Variants in CFAP97 observed in about 807,000 individuals in gnomAD.
The protein encoded by CFAP97 is cilia and flagella associated protein 97.
In CFAP97, 36 loss-of-function variants were observed where a neutral mutation model predicts 43.1. That is an observed-to-expected ratio of 0.84 (90% confidence interval 0.64 to 1.10). The LOEUF is 1.10. Among genes scored for constraint, CFAP97 ranks in the 50% least tolerant of loss-of-function variants. The pLI, the probability that CFAP97 is intolerant of heterozygous loss-of-function variation, is 0.00. For synonymous variants in CFAP97, 228 were observed against 225.7 expected, an observed-to-expected ratio of 1.01 and a Z score of -0.09; for missense variants, 657 against 620.3, an observed-to-expected ratio of 1.06 and a Z score of -0.63.
chr4:185,204,780 G>A (rs960398562), upstream of CFAP97, among the ~76,000 whole-genome samples: 1 of 152,242 alleles, frequency 6.6e-6, no homozygotes, highest in Non-Finnish European at 1.5e-5. Flanking sequence ...AGAGGTTGGA[G>A]TGATGTCAGA....
chr4:185,180,376 C>G (rs1247712464), intron 2 of CFAP97, among the ~76,000 whole-genome samples: 1 of 152,136 alleles, frequency 6.6e-6, no homozygotes, highest in Non-Finnish European at 1.5e-5. Flanking sequence ...TTCCAAAACT[C>G]CTTCCATTGT....
chr4:185,199,960 G>T (rs903469117), intron 1 of CFAP97, among the ~76,000 whole-genome samples: 3 of 152,232 alleles, frequency 2.0e-5, no homozygotes, highest in Non-Finnish European at 4.4e-5. Flanking sequence ...GGTTCAAGGA[G>T]TAAGTCAAAT....
intron 3 of CFAP97, among the ~76,000 whole-genome samples, chr4:185,166,127 T>C (rs1414233538): frequency 6.6e-6 from 1 of 152,202 alleles, no homozygotes; most frequent in Non-Finnish European, 1.5e-5. Context: ...CTACTCAAAT[T>C]ACCCAACTAG....
chr4:185,203,003 G>C (rs1288732391), intron 1 of CFAP97, among the ~76,000 whole-genome samples: 2 of 152,226 alleles, frequency 1.3e-5, no homozygotes, highest in African/African-American at 4.8e-5. Context: ...TTAAAGGATA[G>C]TTCATCAGAC....
At chr4:185,184,984 A>T (rs532169400) in intron 2 of CFAP97, among the ~76,000 whole-genome samples, 1 of 152,364 alleles carries the variant, frequency 6.6e-6, no homozygotes, top group South Asian at 2.1e-4. Context: ...TGTCCCCTTA[A>T]AAATAAAAAT....
chr4:185,177,362 G>A (rs931781289), intron 2 of CFAP97, among the ~76,000 whole-genome samples: 8 of 150,970 alleles, frequency 5.3e-5, no homozygotes, highest in African/African-American at 1.7e-4. Context: ...GCAGTGAGCC[G>A]AGATTGCGCC....
intron 1 of CFAP97, among the ~76,000 whole-genome samples, chr4:185,198,453 A>AAAAGAAAG (rs1307224179): frequency 6.8e-6 from 1 of 147,380 alleles, no homozygotes; most frequent in African/African-American, 2.5e-5. Context: ...AAAAAAAAAA[A>AAAAGAAAG]AAAGAAAGAA....
chr4:185,199,250 T>C (rs1434826818), intron 1 of CFAP97, among the ~76,000 whole-genome samples: 2 of 152,076 alleles, frequency 1.3e-5, no homozygotes, highest in Non-Finnish European at 2.9e-5. Flanking sequence ...CATGTACCTG[T>C]TAATTCCAGC....
intron 4 of CFAP97, among the ~76,000 whole-genome samples, chr4:185,163,218 C>T (rs1287655370): frequency 6.6e-6 from 1 of 152,034 alleles, no homozygotes; most frequent in Non-Finnish European, 1.5e-5. Context: ...ATCTAATCAA[C>T]AAATAACTTA....
At chr4:185,196,387 T>C (rs1408566241) in intron 1 of CFAP97, among the ~76,000 whole-genome samples, 1 of 151,114 alleles carries the variant, frequency 6.6e-6, no homozygotes, top group Non-Finnish European at 1.5e-5. Flanking sequence ...GGCAGGAGAA[T>C]CACTTGAACC....
intron 1 of CFAP97, among the ~76,000 whole-genome samples, chr4:185,197,251 A>C (rs1200933820): frequency 6.6e-6 from 1 of 152,078 alleles, no homozygotes; most frequent in Non-Finnish European, 1.5e-5. Context: ...GATCTTAAAC[A>C]TAACAAAAGA....
chr4:185,208,845 A>G (rs1334181890), upstream of CFAP97, among the ~76,000 whole-genome samples: 1 of 152,266 alleles, frequency 6.6e-6, no homozygotes, highest in Non-Finnish European at 1.5e-5. Flanking sequence ...GTGTTTAAGT[A>G]GCATATTGGC....
chr4:185,193,518 C>T lies in CFAP97; in HGVS notation c.-16-2306G>A, dbSNP rs535141788. 4.6e-3 allele frequency among the ~76,000 whole-genome samples: 698 copies of T among 152,090 alleles called. 6 individuals are homozygous for T. Among genetic ancestry groups the T allele is most frequent in the African/African-American group, 0.016 (667 of 41,476 alleles). On this transcript the variant is annotated intron_variant, in intron 1 of 4. Coordinates refer to ENST00000458385, the MANE Select transcript of CFAP97 (RefSeq NM_020827.3). ...AAAATTAGCCAGGTGTGGTAGTGTG[C>T]GCCTGTAATCCCAGCTACTCAGGAG...
intron 2 of CFAP97, among the ~76,000 whole-genome samples, chr4:185,188,328 T>C (rs1013038793): frequency 1.2e-4 from 18 of 150,790 alleles, no homozygotes; most frequent in African/African-American, 4.4e-4. Flanking sequence ...GCTTCATATA[T>C]ATATATACAC....
upstream of CFAP97, chr4:185,209,782 C>G: frequency 1.0e-6 from 1 of 983,670 alleles, no homozygotes; most frequent in Non-Finnish European, 1.2e-6. The surrounding 1 kb of genome is among the most constrained non-coding windows in gnomAD (Gnocchi z 5.2). Context: ...GGCGGGGGAC[C>G]GGGGGGCAGG....
rs1203179154 is a variant in CFAP97, at chr4:185,209,253, G to A, written c.-74+72C>T. 1 of 152,266 alleles carries A rather than the reference G, an allele frequency of 6.6e-6. No homozygotes were observed. Among genetic ancestry groups the A allele is most frequent in the East Asian group, 1.9e-4 (1 of 5,206 alleles). The allele number at this position is 152,266 out of a possible 1,614,324, so 9.4% of individuals were successfully genotyped here. ...TAGCGAGTGAAAACCAGGCAGAAAT[G>A]TTTGCCGGCTGTAAGCAAAGCGAAG... On this transcript the variant is annotated intron_variant, in intron 1 of 2. Coordinates refer to the CFAP97 transcript ENST00000503223. This position sits in a 1 kb window ranked among gnomAD's most constrained non-coding sequence, Gnocchi z 5.2.
intron 3 of CFAP97, among the ~76,000 whole-genome samples, chr4:185,167,948 G>A (rs977466018): frequency 2.7e-5 from 4 of 145,750 alleles, no homozygotes; most frequent in African/African-American, 5.1e-5. Flanking sequence ...GCAGTGAACC[G>A]AGACTGTGCC....
Position 185,190,394 on chromosome 4 carries a change from G to A in CFAP97, c.803C>T (p.Ser268Phe). Residue 268 changes from serine (S) to phenylalanine (F), a missense_variant, in exon 2 of 5, where the codon TCT (serine) becomes TTT (phenylalanine). Coordinates refer to ENST00000458385, the MANE Select transcript of CFAP97 (RefSeq NM_020827.3). ...ATCATTTGCTATGCCCAGTTCAAAA[G>A]ACTGAAGAGGGCTAATGTCTGGAGT... ...LSTPDISPLQ[S>F]FELGIANDQK... 6.2e-7 allele frequency: 1 copy of A among 1,612,388 alleles called. No homozygotes were observed. The highest frequency in any genetic ancestry group is 1.1e-5 in the South Asian group (1 of 90,876).
chr4:185,208,719 G>A (rs1248425206), upstream of CFAP97, among the ~76,000 whole-genome samples: 1 of 150,400 alleles, frequency 6.6e-6, no homozygotes, highest in African/African-American at 2.4e-5. Flanking sequence ...CAGAGACTCC[G>A]TCTCAAAAAA....
Sources: allele counts gnomAD v4.1 joint callset (sites outside exome capture counted in the v4.1 genomes callset), GRCh38; gene constraint gnomAD v4.1.1; non-coding constraint Gnocchi (gnomAD v3.1); transcripts MANE v1.5; gene names NCBI Gene and HGNC (gene_info 2026-07-23, HGNC 2026-07-21).